Variants in NTMT1 observed in about 807,000 individuals in gnomAD.
NTMT1 encodes the protein N-terminal RCC1 methyltransferase.
NTMT1 carries 8 observed loss-of-function variants against 17.5 expected under a neutral mutation model. That is an observed-to-expected ratio of 0.46 (90% confidence interval 0.27 to 0.82). The LOEUF is 0.82. Among genes scored for constraint, NTMT1 ranks in the 40% least tolerant of loss-of-function variants. The pLI is 0.15. For missense variants in NTMT1, 221 were observed against 303.5 expected, an observed-to-expected ratio of 0.73 and a Z score of 2.02; for synonymous variants, 128 against 126.8, an observed-to-expected ratio of 1.01 and a Z score of -0.06.
intron 1 of NTMT1, among the ~76,000 whole-genome samples, chr9:129,612,885 T>C (rs1487522314): frequency 2.0e-5 from 3 of 152,094 alleles, no homozygotes; most frequent in East Asian, 3.9e-4. Flanking sequence ...GGAACTGTGA[T>C]CGGAACCCAG....
chr9:129,632,979 T>G, intron 2 of NTMT1, 114 bp downstream of exon 2: 113 of 1,208,854 alleles, frequency 9.3e-5, no homozygotes, highest in Non-Finnish European at 1.1e-4. Context: ...TGGCTATCTC[T>G]TGGTACCTAC....
Position 129,620,406 on chromosome 9 carries a change from C to G in NTMT1, c.-55+11228C>G. On this transcript the variant is annotated intron_variant, in intron 1 of 3. Coordinates refer to the NTMT1 transcript ENST00000372486. This position sits in a 1 kb window ranked among gnomAD's most constrained non-coding sequence, Gnocchi z 5.8. Reference sequence around the variant, plus strand: ...CCTTCCGGCCACCACGCGGCGCCGCCCCCCGGGATCCTCCAGTCCCCGGAG... The same window carrying G: ...CCTTCCGGCCACCACGCGGCGCCGCGCCCCGGGATCCTCCAGTCCCCGGAG... The G allele has an allele frequency of 8.1e-7, 1 of 1,237,738 alleles. No individual in the cohort carries two copies. The highest frequency in any genetic ancestry group is 1.0e-6 in the Non-Finnish European group (1 of 991,156). 76.7% of individuals were successfully genotyped at this position (1,237,738 alleles called of 1,614,324 possible).
At chr9:129,610,609 G>GGCGCGAGCGCC (rs1554772906) in intron 1 of NTMT1, among the ~76,000 whole-genome samples, 1 of 151,928 alleles carries the variant, frequency 6.6e-6, no homozygotes. Flanking sequence ...GAGGCGGGCG[G>GGCGCGAGCGCC]GCGCGAGCGC....
chr9:129,612,176 C>T (rs1830127751), intron 1 of NTMT1: 1 of 608,672 alleles, frequency 1.6e-6, no homozygotes, highest in Non-Finnish European at 2.9e-6. Flanking sequence ...TCTCCATCCC[C>T]TTCCTTCCAG....
chr9:129,609,447 C>T (rs930599039), intron 1 of NTMT1, among the ~76,000 whole-genome samples: 1 of 152,138 alleles, frequency 6.6e-6, no homozygotes, highest in Non-Finnish European at 1.5e-5. Flanking sequence ...GGTGCGCCTG[C>T]CTTGATCCCA....
chr9:129,610,890 A>C (rs954198902), intron 1 of NTMT1, among the ~76,000 whole-genome samples: 1 of 152,102 alleles, frequency 6.6e-6, no homozygotes. Context: ...AGGGAGACAG[A>C]AGGGAGGGGA....
intron 1 of NTMT1, among the ~76,000 whole-genome samples, chr9:129,615,040 C>T (rs965758705): frequency 6.6e-6 from 1 of 152,256 alleles, no homozygotes; most frequent in Admixed American, 6.5e-5. Context: ...TTCCGCTTCG[C>T]GGCTTTTCTG....
In NTMT1 at chr9:129,635,347, G is replaced by C. The variant is rs766525095; in HGVS notation, c.555G>C (p.Arg185=). The change falls in exon 4 of 4, where the codon CGG becomes CGC. Residue 185 remains arginine, a synonymous_variant. Transcript: ENST00000372483. ...ACGACGTGGACAGCAGCGTGTGCCG[G>C]GACCTTGACGTGGTCCGCAGGATCA... ...ILDDVDSSVC[R]DLDVVRRIIC... 1.9e-5 allele frequency: 30 copies of C among 1,613,838 alleles called. No individual in the cohort carries two copies. Among genetic ancestry groups the C allele is most frequent in the Non-Finnish European group, 2.5e-5 (29 of 1,180,036 alleles).
chr9:129,618,282 G>A (rs190552162), intron 1 of NTMT1, among the ~76,000 whole-genome samples: 8 of 152,238 alleles, frequency 5.3e-5, no homozygotes, highest in African/African-American at 1.7e-4. Context: ...GCCCAGGTAG[G>A]TTCCAATTCC....
Position 129,613,351 on chromosome 9 carries a change from T to C in NTMT1, c.-55+4173T>C, listed in dbSNP as rs543765129. ...GGACCCACACTGGCAACCCGCCTGC[T>C]GCTGGGTGGGGAGGTCTGTAGGCAA... On this transcript the variant is annotated intron_variant, in intron 1 of 3. Transcript: ENST00000372486. The surrounding 1 kb of genome is among the most constrained non-coding windows in gnomAD (Gnocchi z 6.2). 2 of 1,573,524 alleles carry C rather than the reference T, an allele frequency of 1.3e-6. No homozygotes were observed. The highest frequency in any genetic ancestry group is 1.8e-5 in the Admixed American group (1 of 55,792).
chr9:129,623,458 T>G (rs1434698641), upstream of NTMT1, among the ~76,000 whole-genome samples: 1 of 152,232 alleles, frequency 6.6e-6, no homozygotes, highest in Non-Finnish European at 1.5e-5. Context: ...CAGGACTCCC[T>G]GGGCCTTATC....
rs1168086956 is a variant in NTMT1 at position 129,620,468 on chromosome 9, G to C, written c.-55+11290G>C. The C allele has an allele frequency of 1.5e-6, 2 of 1,352,924 alleles. No homozygotes were observed. The highest frequency in any genetic ancestry group is 1.9e-6 in the Non-Finnish European group (2 of 1,049,014). 83.8% of individuals were successfully genotyped at this position (1,352,924 alleles called of 1,614,324 possible). ...CAGAGCCGCTCGGAGCGCGGGCGGG[G>C]TCAGCTTGGGCAGCCGCGGGTCGCT... On this transcript the variant is annotated intron_variant, in intron 1 of 3. Transcript: ENST00000372486. This position sits in a 1 kb window ranked among gnomAD's most constrained non-coding sequence, Gnocchi z 5.8.
Position 129,634,248 on chromosome 9 carries a change from C to T in NTMT1, c.357C>T (p.Leu119=). 1 of 1,613,910 alleles carries T rather than the reference C, an allele frequency of 6.2e-7. No individual in the cohort carries two copies. Among genetic ancestry groups the T allele is most frequent in the East Asian group, 2.2e-5 (1 of 44,874 alleles). ...TGAGGAACTACTTCTGTTGTGGGCT[C>T]CAGGACTTCACCCCGGAGCCGGACT... The part of the protein sequence containing the change: ...KRVRNYFCCG[L]QDFTPEPDSY... Residue 119 remains leucine (L), a synonymous_variant, in exon 3 of 4, where the codon CTC becomes CTT. Transcript: ENST00000372483.
At chr9:129,628,045 A>G (rs1830980727) in intron 1 of NTMT1, among the ~76,000 whole-genome samples, 1 of 152,246 alleles carries the variant, frequency 6.6e-6, no homozygotes, top group Non-Finnish European at 1.5e-5. Context: ...TTTACCAGGC[A>G]TGAGGGGTTT....
chr9:129,620,429 G>C lies in NTMT1; in HGVS notation c.-55+11251G>C. ...GCCCCCCGGGATCCTCCAGTCCCCG[G>C]AGCCCCGCGCGCCCAGAGCCGCTCG... is the stretch of plus-strand genomic sequence containing the variant. On this transcript the variant is annotated intron_variant, in intron 1 of 3. Transcript: ENST00000372486. The surrounding 1 kb of genome is among the most constrained non-coding windows in gnomAD (Gnocchi z 5.8). The C allele has an allele frequency of 1.6e-6, 2 of 1,264,704 alleles. No individual in the cohort carries two copies. Among genetic ancestry groups the C allele is most frequent in the Non-Finnish European group, 2.0e-6 (2 of 1,004,980 alleles). The allele number at this position is 1,264,704 out of a possible 1,614,324, so 78.3% of individuals were successfully genotyped here. A position where few individuals can be genotyped will look rare whatever the true frequency, so the allele number is the denominator to read the frequency against.
At chr9:129,631,979 C>T (rs1831193749) in intron 1 of NTMT1, among the ~76,000 whole-genome samples, 1 of 152,216 alleles carries the variant, frequency 6.6e-6, no homozygotes, top group Non-Finnish European at 1.5e-5. Context: ...TAACGGAGGA[C>T]TGGACCCCAC....
At position 129,620,044 on chromosome 9, in the gene NTMT1, C is replaced by T; in HGVS notation, c.-55+10866C>T. On this transcript the variant is annotated intron_variant, in intron 1 of 3. Coordinates refer to the NTMT1 transcript ENST00000372486. This position sits in a 1 kb window ranked among gnomAD's most constrained non-coding sequence, Gnocchi z 5.8. ...CCACCGGAAATGACTCGGGCCCGCC[C>T]CCCGGGCCCCGCGGGGCCTCACTCA... 1.4e-6 allele frequency: 2 copies of T among 1,453,472 alleles called. No homozygotes were observed. Among genetic ancestry groups the T allele is most frequent in the South Asian group, 1.5e-5 (1 of 68,532 alleles). The allele number at this position is 1,453,472 out of a possible 1,614,324, so 90.0% of individuals were successfully genotyped here. A position where few individuals can be genotyped will look rare whatever the true frequency, so the allele number is the denominator to read the frequency against.
chr9:129,615,031 T>C (rs1021047867), intron 1 of NTMT1, among the ~76,000 whole-genome samples: 13 of 152,244 alleles, frequency 8.5e-5, no homozygotes, highest in African/African-American at 3.1e-4. Flanking sequence ...AGAGAAAGTT[T>C]CCGCTTCGCG....
chr9:129,633,808 G>C, intron 2 of NTMT1: 1 of 478,562 alleles, frequency 2.1e-6, no homozygotes, highest in Non-Finnish European at 3.7e-6. Flanking sequence ...ATTCCAACCT[G>C]AACAGAATGC....
Sources: gnomAD v4.1 joint callset for allele counts (sites outside exome capture counted in the v4.1 genomes callset) on GRCh38, gnomAD v4.1.1 for gene constraint, Gnocchi (gnomAD v3.1) non-coding constraint, MANE v1.5 for transcripts, NCBI Gene and HGNC (gene_info 2026-07-23, HGNC 2026-07-21) for gene names.